ABLIM1: variants seen among roughly 807,000 people sequenced by gnomAD.
ABLIM1 encodes actin binding LIM protein 1, also known as actin-binding LIM protein 1.
In ABLIM1, 40 loss-of-function variants were observed where a neutral mutation model predicts 107.0. That is an observed-to-expected ratio of 0.37 (90% confidence interval 0.29 to 0.49). The LOEUF is 0.49. Among genes scored for constraint, ABLIM1 ranks in the 20% least tolerant of loss-of-function variants. ABLIM1 has a pLI of 0.97. For missense variants in ABLIM1, 857 were observed against 1,008.5 expected, an observed-to-expected ratio of 0.85 and a Z score of 2.04; for synonymous variants, 357 against 357.3, an observed-to-expected ratio of 1.00 and a Z score of 0.01.
chr10:114,626,855 T>C (rs961094478), intron 1 of ABLIM1, among the ~76,000 whole-genome samples: 3 of 151,850 alleles, frequency 2.0e-5, no homozygotes, highest in African/African-American at 7.3e-5. Context: ...AAACATGGAG[T>C]CAGATAGGCA....
In ABLIM1 at chr10:114,758,744, A is replaced by T. The variant is rs137859547; in HGVS notation, c.-213+9317T>A. Among the ~76,000 whole-genome samples the T allele has an allele frequency of 3.3e-5, 5 of 152,316 alleles. No individual in the cohort carries two copies. The South Asian group carries it at 1.0e-3, about 32-fold the overall frequency. ...ATGAATTCCCAATAAGTTGAGAAAGAAAAGTATCAGTAAAGACCCTGGACA... is the reference window on the plus strand; with the variant it reads ...ATGAATTCCCAATAAGTTGAGAAAGTAAAGTATCAGTAAAGACCCTGGACA... On this transcript the variant is annotated intron_variant, in intron 1 of 15. Transcript: ENST00000651092.
intron 6 of ABLIM1, among the ~76,000 whole-genome samples, chr10:114,511,983 T>A (rs1168265527): frequency 6.6e-6 from 1 of 152,206 alleles, no homozygotes; most frequent in East Asian, 1.9e-4. Flanking sequence ...TCTCTCAGTG[T>A]CTTCCTGGAG....
intron 1 of ABLIM1, among the ~76,000 whole-genome samples, chr10:114,634,123 A>ATTTTTTTTT (rs1209219359): frequency 2.9e-5 from 2 of 68,220 alleles, no homozygotes; most frequent in African/African-American, 1.1e-4. Context: ...CATTAGCTCA[A>ATTTTTTTTT]TTTTTCTTTT....
In ABLIM1 at chr10:114,765,741, C is replaced by A. The variant is rs112123084; in HGVS notation, c.-213+2320G>T. Among the ~76,000 whole-genome samples, 978 of 152,108 alleles carry A rather than the reference C, an allele frequency of 6.4e-3. 14 individuals are homozygous for A. The highest frequency in any genetic ancestry group is 0.023 in the African/African-American group (948 of 41,500). On this transcript the variant is annotated intron_variant, in intron 1 of 15. Transcript: ENST00000651092. ...AATAAAAGTGCTGCATAAAAAGATACGTAAAATCCTCAGTCTTTGGTAATG... is the reference window on the plus strand; with the variant it reads ...AATAAAAGTGCTGCATAAAAAGATAAGTAAAATCCTCAGTCTTTGGTAATG...
intron 2 of ABLIM1, among the ~76,000 whole-genome samples, chr10:114,597,404 TG>T (rs1265069986): frequency 2.6e-5 from 4 of 151,972 alleles, no homozygotes; most frequent in African/African-American, 4.8e-5. Context: ...GGCCCTGGCT[TG>T]TACTTTCTGA....
upstream of ABLIM1, among the ~76,000 whole-genome samples, chr10:114,771,977 C>T (rs1020056755): frequency 6.6e-6 from 1 of 152,160 alleles, no homozygotes; most frequent in African/African-American, 2.4e-5. Context: ...ACTCCCACAG[C>T]TTTTCAGCTG....
At chr10:114,777,269 T>C in the ABLIM1 span, among the ~76,000 whole-genome samples, 1 of 152,208 alleles carries the variant, frequency 6.6e-6, no homozygotes. Flanking sequence ...CTAAAATGTG[T>C]TTTTGATTCT....
chr10:114,503,868 T>C (rs2060765952), intron 6 of ABLIM1, among the ~76,000 whole-genome samples: 1 of 152,206 alleles, frequency 6.6e-6, no homozygotes, highest in Non-Finnish European at 1.5e-5. Context: ...CACTGAACAA[T>C]TTTCAATCCT....
intron 20 of ABLIM1, chr10:114,439,798 T>C: frequency 2.0e-6 from 1 of 510,166 alleles, no homozygotes; most frequent in Non-Finnish European, 3.5e-6. Context: ...GAGCAGACCC[T>C]TGATGCTGGT....
chr10:114,445,935 G>A (rs926518874), intron 15 of ABLIM1, among the ~76,000 whole-genome samples: 2 of 152,068 alleles, frequency 1.3e-5, no homozygotes, highest in African/African-American at 4.8e-5. Context: ...ATACCCTACT[G>A]ATTTTTAAAT....
At chr10:114,445,962 T>C (rs2060959227) in intron 15 of ABLIM1, among the ~76,000 whole-genome samples, 1 of 152,138 alleles carries the variant, frequency 6.6e-6, no homozygotes. Flanking sequence ...TATAGAGACA[T>C]GGTCTCACTA....
chr10:114,653,895 T>C (rs1413584436), intron 1 of ABLIM1, among the ~76,000 whole-genome samples: 1 of 152,244 alleles, frequency 6.6e-6, no homozygotes, highest in Non-Finnish European at 1.5e-5. Flanking sequence ...CCTTGCAACA[T>C]CCAAGGGTTG....
chr10:114,502,841 C>T (rs1048626758), intron 6 of ABLIM1, among the ~76,000 whole-genome samples: 3 of 152,108 alleles, frequency 2.0e-5, no homozygotes, highest in Non-Finnish European at 4.4e-5. Context: ...TTCATAAATG[C>T]AACATACTCT....
chr10:114,695,732 A>G (rs1286635398), intron 1 of ABLIM1, among the ~76,000 whole-genome samples: 1 of 152,156 alleles, frequency 6.6e-6, no homozygotes, highest in Non-Finnish European at 1.5e-5. Context: ...CATTGGAGAC[A>G]ATGCCATGGC....
At chr10:114,673,287 C>T (rs981896765) in intron 1 of ABLIM1, among the ~76,000 whole-genome samples, 58 of 149,978 alleles carry the variant, frequency 3.9e-4, no homozygotes, top group Non-Finnish European at 7.0e-4. Context: ...AAAAACAAAA[C>T]TCTTTCCACC....
intron 1 of ABLIM1, among the ~76,000 whole-genome samples, chr10:114,620,410 A>C (rs2077392669): frequency 6.6e-6 from 1 of 152,038 alleles, no homozygotes; most frequent in Admixed American, 6.6e-5. Context: ...TTTGGCCCAC[A>C]CAATATTTTT....
the ABLIM1 span, among the ~76,000 whole-genome samples, chr10:114,794,525 G>A: frequency 1.3e-5 from 2 of 152,246 alleles, no homozygotes; most frequent in African/African-American, 4.8e-5. Context: ...GAACATCTGA[G>A]GTTTCTGAAA....
At chr10:114,510,440 GC>G (rs2135982898) in intron 6 of ABLIM1, among the ~76,000 whole-genome samples, 1 of 151,964 alleles carries the variant, frequency 6.6e-6, no homozygotes, top group Admixed American at 6.5e-5. Context: ...AATTATAACT[GC>G]TGGCTACCTA....
intron 1 of ABLIM1, among the ~76,000 whole-genome samples, chr10:114,726,980 G>A (rs2142103114): frequency 6.6e-6 from 1 of 152,332 alleles, no homozygotes. Flanking sequence ...CTACCTTGCA[G>A]AAACAATGTT....
Sources: allele counts gnomAD v4.1 joint callset (sites outside exome capture counted in the v4.1 genomes callset), GRCh38; gene constraint gnomAD v4.1.1; transcripts MANE v1.5; gene names NCBI Gene and HGNC (gene_info 2026-07-23, HGNC 2026-07-21).